Variants in PTPRD observed in about 807,000 individuals in gnomAD.
PTPRD encodes the protein protein tyrosine phosphatase receptor type D.
PTPRD carries 34 observed loss-of-function variants against 214.5 expected under a neutral mutation model. The observed-to-expected ratio is 0.16, with a 90% CI of 0.12 to 0.21. The LOEUF is 0.21. Ranked by LOEUF, PTPRD falls within the 10% of genes least tolerant of loss-of-function variation. The probability of loss-of-function intolerance (pLI) is 1.00; values close to 1 mark genes in which losing one functional copy is unlikely to be tolerated. For synonymous variants in PTPRD, 1,128 were observed against 845.7 expected (o/e 1.33, Z -5.79); for missense variants, 2,545 against 2,398.7 (o/e 1.06, Z -1.27).
intron 3 of PTPRD, among the ~76,000 whole-genome samples, chr9:10,277,271 T>A (rs972346791): frequency 5.1e-5 from 7 of 136,278 alleles, no homozygotes; most frequent in South Asian, 2.3e-4. Context: ...AAACCCTGAG[T>A]TGAGTTATAA....
chr9:9,519,401 A>T (rs567832545), intron 8 of PTPRD, among the ~76,000 whole-genome samples: 1 of 152,092 alleles, frequency 6.6e-6, no homozygotes, highest in South Asian at 2.1e-4. Context: ...CAACAGTTAC[A>T]GGTTGATTCT....
intron 9 of PTPRD, among the ~76,000 whole-genome samples, chr9:9,377,701 C>A (rs2061156032): frequency 6.6e-6 from 1 of 151,920 alleles, no homozygotes; most frequent in Admixed American, 6.6e-5. Context: ...TTAACAGTGG[C>A]CCAGTTAAGC....
intron 3 of PTPRD, among the ~76,000 whole-genome samples, chr9:10,156,188 G>T (rs2099092257): frequency 1.4e-5 from 2 of 147,900 alleles, no homozygotes; most frequent in Non-Finnish European, 3.0e-5. Context: ...TTTGGCATTG[G>T]TTTACTCTTG....
At chr9:9,763,806 T>G (rs1371702298) in intron 6 of PTPRD, among the ~76,000 whole-genome samples, 3 of 152,148 alleles carry the variant, frequency 2.0e-5, no homozygotes, top group Non-Finnish European at 4.4e-5. Context: ...CCTAAGTACT[T>G]TAATTCCTTT....
chr9:9,305,114 C>A (rs977802236), intron 9 of PTPRD, among the ~76,000 whole-genome samples: 1 of 151,402 alleles, frequency 6.6e-6, no homozygotes, highest in East Asian at 1.9e-4. Flanking sequence ...TGCTTCTCAT[C>A]TTTACCTCCT....
In PTPRD at chr9:9,449,208, G is replaced by A. The variant is rs147766132; in HGVS notation, c.-236-51726C>T. On this transcript the variant is annotated intron_variant, in intron 8 of 45. Coordinates refer to ENST00000381196, the MANE Select transcript of PTPRD (RefSeq NM_002839.4). ...AACAAAACAGAACAACAACCACAGGGAGAAAAATAACTTACCATTTTGGAA... is the reference window on the plus strand; with the variant it reads ...AACAAAACAGAACAACAACCACAGGAAGAAAAATAACTTACCATTTTGGAA... Among the ~76,000 whole-genome samples the A allele has an allele frequency of 5.0e-3, 762 of 152,080 alleles. 7 individuals are homozygous for A. The highest frequency in any genetic ancestry group is 0.017 in the African/African-American group (726 of 41,498).
intron 34 of PTPRD, chr9:8,437,162 CAT>C: frequency 6.9e-7 from 1 of 1,449,308 alleles, no homozygotes. Flanking sequence ...TGATAGTAAA[CAT>C]AAAATGACTT....
intron 14 of PTPRD, among the ~76,000 whole-genome samples, chr9:8,619,685 G>A (rs1433616582): frequency 1.3e-5 from 2 of 151,624 alleles, no homozygotes; most frequent in East Asian, 3.9e-4. Flanking sequence ...AGGTTACACA[G>A]AAACTCAAGG....
intron 2 of PTPRD, among the ~76,000 whole-genome samples, chr9:10,403,672 A>G (rs1041085345): frequency 6.6e-6 from 1 of 151,722 alleles, no homozygotes; most frequent in African/African-American, 2.4e-5. Flanking sequence ...GAGTACTAAA[A>G]GGAAATAAGA....
At chr9:9,090,837 T>C in intron 10 of PTPRD, 2 of 765,826 alleles carry the variant, frequency 2.6e-6, no homozygotes, top group Admixed American at 3.6e-5. Context: ...TCTTATTCCA[T>C]TGACAATGAT....
intron 14 of PTPRD, among the ~76,000 whole-genome samples, chr9:8,592,018 A>G (rs12346130): frequency 0.068 from 10,417 of 152,214 alleles, 1,122 homozygotes; most frequent in African/African-American, 0.23. Context: ...GTAATCGCAT[A>G]TATTTATTAA....
intron 3 of PTPRD, among the ~76,000 whole-genome samples, chr9:10,233,807 A>C (rs2099620278): frequency 6.6e-6 from 1 of 151,982 alleles, no homozygotes; most frequent in Non-Finnish European, 1.5e-5. Context: ...AAATATCTAA[A>C]TATTTAAGAA....
intron 5 of PTPRD, among the ~76,000 whole-genome samples, chr9:9,933,304 C>T (rs1384325040): frequency 5.3e-5 from 8 of 152,100 alleles, no homozygotes; most frequent in African/African-American, 1.9e-4. Flanking sequence ...AGAGTCAAGA[C>T]CCATCAGTGT....
chr9:9,617,279 A>G (rs1228852892), intron 7 of PTPRD, among the ~76,000 whole-genome samples: 1 of 152,212 alleles, frequency 6.6e-6, no homozygotes, highest in Admixed American at 6.5e-5. Flanking sequence ...AGTCTAATTA[A>G]AAACTAATTC....
At position 8,414,934 on chromosome 9, in the gene PTPRD, A is replaced by G. The variant is rs28682937; in HGVS notation, c.4087-10274T>C. Among the ~76,000 whole-genome samples, 117 of 50,602 alleles carry G rather than the reference A, an allele frequency of 2.3e-3. 2 individuals are homozygous for G. The highest frequency in any genetic ancestry group is 0.013 in the South Asian group (6 of 480). 33.2% of individuals were successfully genotyped at this position (50,602 alleles called of 152,430 possible). A position where few individuals can be genotyped will look rare whatever the true frequency, so the allele number is the denominator to read the frequency against. On this transcript the variant is annotated intron_variant, in intron 35 of 45. Transcript: ENST00000381196. ...GAGGGGGAGAGAGAGGGAGGGGGAG[A>G]GAGAGAGAGAGAGAGAGAGAGAGAG... is the stretch of plus-strand genomic sequence containing the variant.
At chr9:10,468,780 G>A (rs1406055188) in intron 2 of PTPRD, among the ~76,000 whole-genome samples, 1 of 151,994 alleles carries the variant, frequency 6.6e-6, no homozygotes, top group Admixed American at 6.6e-5. Flanking sequence ...GCATATATAA[G>A]GTATTATGAG....
chr9:9,007,703 C>T (rs921030845), intron 11 of PTPRD, among the ~76,000 whole-genome samples: 1 of 142,872 alleles, frequency 7.0e-6, no homozygotes, highest in Non-Finnish European at 1.5e-5. Context: ...ACCCTTCTCC[C>T]GTGTTTGACC....
intron 39 of PTPRD, among the ~76,000 whole-genome samples, chr9:8,344,018 T>C (rs899518192): frequency 9.9e-5 from 15 of 152,214 alleles, no homozygotes; most frequent in Admixed American, 7.2e-4. Context: ...GTAGTCTCTT[T>C]GCTGGTCTCC....
In PTPRD at chr9:8,685,419, T is replaced by A. The variant is rs377046532; in HGVS notation, c.64+48361A>T. ...AACCAACAGACGAGAGCTTAAAATA[T>A]ACACAGCCACAATGTTTCCATTTTG... is the stretch of plus-strand genomic sequence containing the variant. On this transcript the variant is annotated intron_variant, in intron 12 of 45. Transcript: ENST00000381196. Among the ~76,000 whole-genome samples the A allele has an allele frequency of 1.2e-3, 180 of 152,300 alleles. 5 individuals carry two copies. In the South Asian group the frequency reaches 0.036, roughly 31 times the overall value.
Sources: allele counts gnomAD v4.1 joint callset (sites outside exome capture counted in the v4.1 genomes callset), GRCh38; gene constraint gnomAD v4.1.1; transcripts MANE v1.5; gene names NCBI Gene and HGNC (gene_info 2026-07-23, HGNC 2026-07-21).